Variants in LPP observed in about 807,000 individuals in gnomAD.
LPP encodes the protein lipoma-preferred partner.
LPP carries 38 observed loss-of-function variants against 60.4 expected under a neutral mutation model. The observed-to-expected ratio is 0.63, with a 90% CI of 0.49 to 0.83. The LOEUF (loss-of-function observed/expected upper bound fraction) is 0.83. Ranked by LOEUF, LPP falls within the 40% of genes least tolerant of loss-of-function variation. The pLI is 0.00. For missense variants in LPP, 902 were observed against 783.6 expected (o/e 1.15, Z -1.80); for synonymous variants, 328 against 290.8 (o/e 1.13, Z -1.30).
rs1480959579 is a variant in LPP at position 188,643,244 on chromosome 3, A to G, written c.1113+33400A>G. On this transcript the variant is annotated intron_variant, in intron 7 of 11. Coordinates refer to ENST00000617246, the MANE Select transcript of LPP (RefSeq NM_001375462.1). Reference sequence around the variant, plus strand: ...CAGGGCCACACAGTTAGGTTGCTGCAAATATTAAGAGAACTTACTTCACTT... The same window carrying G: ...CAGGGCCACACAGTTAGGTTGCTGCGAATATTAAGAGAACTTACTTCACTT... Among the ~76,000 whole-genome samples the G allele has an allele frequency of 2.6e-5, 4 of 152,224 alleles. No individual in the cohort carries two copies. In the East Asian group the frequency reaches 7.7e-4, roughly 29 times the overall value.
At chr3:188,762,983 A>G (rs1289699363) in intron 9 of LPP, among the ~76,000 whole-genome samples, 4 of 152,172 alleles carry the variant, frequency 2.6e-5, no homozygotes, top group Non-Finnish European at 5.9e-5. Flanking sequence ...GAACTTTTAT[A>G]TGTCCAATAA....
intron 1 of LPP, among the ~76,000 whole-genome samples, chr3:188,224,867 C>T (rs1717157785): frequency 6.6e-6 from 1 of 152,108 alleles, no homozygotes; most frequent in South Asian, 2.1e-4. Flanking sequence ...GGCCCCACCT[C>T]CAACAGCAGG....
At chr3:188,541,013 A>G (rs1338841533) in intron 6 of LPP, among the ~76,000 whole-genome samples, 2 of 152,188 alleles carry the variant, frequency 1.3e-5, no homozygotes, top group Non-Finnish European at 2.9e-5. Context: ...TGATTGCTAG[A>G]ATGTTTCTGT....
intron 1 of LPP, among the ~76,000 whole-genome samples, chr3:188,205,129 G>A (rs1421920889): frequency 6.6e-6 from 1 of 151,974 alleles, no homozygotes; most frequent in African/African-American, 2.4e-5. Flanking sequence ...CTGTCAACTA[G>A]TTTATTAGCT....
intron 9 of LPP, among the ~76,000 whole-genome samples, chr3:188,811,103 T>C (rs974027665): frequency 6.6e-6 from 1 of 151,994 alleles, no homozygotes; most frequent in African/African-American, 2.4e-5. Flanking sequence ...TATATATATG[T>C]GCATATAATG....
chr3:188,807,824 C>CA (rs937107337), intron 9 of LPP, among the ~76,000 whole-genome samples: 43 of 152,266 alleles, frequency 2.8e-4, no homozygotes, highest in Admixed American at 1.8e-3. Flanking sequence ...CCTATCTGAT[C>CA]AATCCAACAT....
chr3:188,760,085 T>C, intron 8 of LPP, 28 bp from the exon 9 acceptor site: 1 of 1,611,532 alleles, frequency 6.2e-7, no homozygotes, highest in Non-Finnish European at 8.5e-7. Flanking sequence ...CTCCTTGGTG[T>C]GTTCTTATCA....
At chr3:188,457,586 G>A (rs1482637862) in intron 4 of LPP, among the ~76,000 whole-genome samples, 4 of 144,380 alleles carry the variant, frequency 2.8e-5, no homozygotes, top group Admixed American at 2.0e-4. Flanking sequence ...ACTTCCACTC[G>A]TTAGGGGTAT....
intron 9 of LPP, among the ~76,000 whole-genome samples, chr3:188,852,986 A>C (rs1338535200): frequency 6.6e-6 from 1 of 152,042 alleles, no homozygotes; most frequent in Non-Finnish European, 1.5e-5. Flanking sequence ...TCTACTAAAA[A>C]TACAGAAAAA....
At chr3:188,705,007 C>T (rs913799222) in intron 7 of LPP, among the ~76,000 whole-genome samples, 1 of 152,146 alleles carries the variant, frequency 6.6e-6, no homozygotes, top group Non-Finnish European at 1.5e-5. Flanking sequence ...AAACTGTGCT[C>T]CTCTCAGGGT....
chr3:188,566,197 C>T (rs570386445), intron 6 of LPP, among the ~76,000 whole-genome samples: 25 of 151,990 alleles, frequency 1.6e-4, no homozygotes, highest in Middle Eastern at 3.4e-3. Context: ...GATTACAAGA[C>T]GATGGAAAAG....
At chr3:188,521,777 A>G (rs984772301) in intron 5 of LPP, among the ~76,000 whole-genome samples, 2 of 152,158 alleles carry the variant, frequency 1.3e-5, no homozygotes, top group African/African-American at 4.8e-5. Flanking sequence ...TATAGATGAG[A>G]AAACTATGGC....
chr3:188,639,226 T>G (rs1221462888), intron 7 of LPP, among the ~76,000 whole-genome samples: 6 of 152,160 alleles, frequency 3.9e-5, no homozygotes, highest in South Asian at 4.2e-4. Context: ...TCTACAACCA[T>G]CTGATCTTTG....
chr3:188,464,976 A>T, intron 4 of LPP, among the ~76,000 whole-genome samples: 1 of 103,478 alleles, frequency 9.7e-6, no homozygotes, highest in Non-Finnish European at 2.0e-5. Context: ...AAGGCTTACT[A>T]TGGAAAAAAA....
chr3:188,210,091 A>G (rs1230713123), intron 1 of LPP, among the ~76,000 whole-genome samples: 2 of 152,000 alleles, frequency 1.3e-5, no homozygotes, highest in African/African-American at 4.8e-5. Flanking sequence ...AAAAAATCCA[A>G]CCATAAAAAA....
chr3:188,787,568 T>C (rs1742348474), intron 9 of LPP, among the ~76,000 whole-genome samples: 1 of 152,174 alleles, frequency 6.6e-6, no homozygotes, highest in South Asian at 2.1e-4. Flanking sequence ...TGATGTTTAA[T>C]ACACTTAAGA....
chr3:188,307,172 C>T (rs780916419), intron 2 of LPP, among the ~76,000 whole-genome samples: 6 of 152,198 alleles, frequency 3.9e-5, no homozygotes, highest in Admixed American at 1.3e-4. Context: ...ATTTTACAGA[C>T]GTGAGCATTG....
chr3:188,240,342 A>AGTGTGTGTGTGTGT (rs75173733), intron 2 of LPP, among the ~76,000 whole-genome samples: 1 of 143,660 alleles, frequency 7.0e-6, no homozygotes, highest in African/African-American at 2.6e-5. Context: ...TTTGGGTAAG[A>AGTGTGTGTGTGTGT]GTGTGTGTGT....
In LPP at chr3:188,246,365, G is replaced by C. The variant is rs144729784; in HGVS notation, c.-67+20838G>C. On this transcript the variant is annotated intron_variant, in intron 2 of 11. Coordinates refer to ENST00000617246, the MANE Select transcript of LPP (RefSeq NM_001375462.1). ...AAAGCCTTTAGGAAGCAGATACCCT[G>C]CAATTTATCTCACTAATTTGTTTGT... Among the ~76,000 whole-genome samples, 25 of 152,170 alleles carry C rather than the reference G, an allele frequency of 1.6e-4. No individual in the cohort carries two copies. The East Asian group carries it at 4.8e-3, about 29-fold the overall frequency.
Sources: allele counts gnomAD v4.1 joint callset (sites outside exome capture counted in the v4.1 genomes callset), GRCh38; gene constraint gnomAD v4.1.1; transcripts MANE v1.5; gene names NCBI Gene and HGNC (gene_info 2026-07-23, HGNC 2026-07-21).